MBOAT2: variants seen among roughly 807,000 people sequenced by gnomAD.
The protein encoded by MBOAT2 is membrane-bound glycerophospholipid O-acyltransferase 2.
In MBOAT2, 28 loss-of-function variants were observed where a neutral mutation model predicts 63.4. The observed-to-expected ratio is 0.44, with a 90% CI of 0.33 to 0.61. MBOAT2 has a LOEUF of 0.61. Among genes scored for constraint, MBOAT2 ranks in the 20% least tolerant of loss-of-function variants. The probability of loss-of-function intolerance (pLI) is 0.03; values close to 1 mark genes in which losing one functional copy is unlikely to be tolerated. For missense variants in MBOAT2, 470 were observed against 605.8 expected (o/e 0.78, Z 2.35); for synonymous variants, 211 against 215.6 (o/e 0.98, Z 0.19).
intron 12 of MBOAT2, 128 bp from the exon 13 acceptor site, chr2:8,859,032 T>G: frequency 1.4e-6 from 1 of 705,052 alleles, no homozygotes; most frequent in South Asian, 2.0e-5. Context: ...ACATTATTCT[T>G]TTATTTTTCC....
Position 8,877,069 on chromosome 2 carries a change from T to C in MBOAT2, c.651A>G (p.Lys217=). The part of the protein sequence containing the change: ...YHITQSGENG[K]EETQYERTEP... ...CTGTTCTTTCATACTGTGTCTCTTC[T>C]TTTCCATTTTCACCAGATTGTGTGA... The change falls in exon 7 of 13, where the codon AAA becomes AAG. Residue 217 remains lysine, a synonymous_variant. Coordinates refer to ENST00000305997, the MANE Select transcript of MBOAT2 (RefSeq NM_138799.4). 3 of 1,613,648 alleles carry C rather than the reference T, an allele frequency of 1.9e-6. No homozygotes were observed. Among genetic ancestry groups the C allele is most frequent in the Non-Finnish European group, 2.5e-6 (3 of 1,179,884 alleles).
At chr2:8,953,759 G>C (rs1476053854) in intron 2 of MBOAT2, among the ~76,000 whole-genome samples, 1 of 152,216 alleles carries the variant, frequency 6.6e-6, no homozygotes, top group Non-Finnish European at 1.5e-5. Context: ...CCTTGAGTGA[G>C]TTTTTCAATT....
intron 3 of MBOAT2, among the ~76,000 whole-genome samples, chr2:8,917,945 G>A (rs1185932153): frequency 6.6e-6 from 1 of 152,192 alleles, no homozygotes; most frequent in Non-Finnish European, 1.5e-5. Flanking sequence ...TAAACATTAA[G>A]CTGAGTAAAA....
chr2:8,899,637 T>C (rs991453038), intron 4 of MBOAT2, among the ~76,000 whole-genome samples: 5 of 152,236 alleles, frequency 3.3e-5, no homozygotes, highest in African/African-American at 1.2e-4. Flanking sequence ...TGATTGCCAC[T>C]GCATAGCGGA....
chr2:8,899,384 G>A (rs546978520), intron 4 of MBOAT2, among the ~76,000 whole-genome samples: 12 of 152,206 alleles, frequency 7.9e-5, no homozygotes, highest in South Asian at 2.1e-4. Context: ...AGGATTCCTC[G>A]GATGGTAATG....
chr2:8,946,982 A>G (rs143133691), intron 2 of MBOAT2, among the ~76,000 whole-genome samples: 4 of 152,364 alleles, frequency 2.6e-5, no homozygotes, highest in African/African-American at 9.6e-5. Flanking sequence ...CTTAGTGACG[A>G]TGGTATGTCA....
chr2:8,997,896 T>C (rs1243830553), intron 1 of MBOAT2, among the ~76,000 whole-genome samples: 1 of 152,224 alleles, frequency 6.6e-6, no homozygotes, highest in Non-Finnish European at 1.5e-5. Context: ...GAAACCTACA[T>C]TAGCTGCAAT....
At chr2:9,000,718 C>A (rs955098171) in intron 1 of MBOAT2, among the ~76,000 whole-genome samples, 6 of 152,130 alleles carry the variant, frequency 3.9e-5, no homozygotes, top group African/African-American at 1.4e-4. Flanking sequence ...GAGTGACCAG[C>A]GTGTGAATGC....
At chr2:8,996,282 C>T (rs1573284434) in intron 1 of MBOAT2, among the ~76,000 whole-genome samples, 1 of 152,176 alleles carries the variant, frequency 6.6e-6, no homozygotes, top group Admixed American at 6.5e-5. Flanking sequence ...ATTAGGAAAT[C>T]AACTATTCTT....
intron 3 of MBOAT2, among the ~76,000 whole-genome samples, chr2:8,928,318 C>T (rs566639301): frequency 5.7e-4 from 86 of 152,204 alleles, no homozygotes; most frequent in Non-Finnish European, 1.1e-3. Flanking sequence ...TAGAGCAGCA[C>T]TAGACAAGAG....
intron 3 of MBOAT2, among the ~76,000 whole-genome samples, chr2:8,916,835 AC>A (rs1666219031): frequency 6.6e-6 from 1 of 152,154 alleles, no homozygotes; most frequent in Non-Finnish European, 1.5e-5. Flanking sequence ...TTTACTATGT[AC>A]CTTTTGTTTT....
chr2:8,943,753 G>A (rs1028812255), intron 2 of MBOAT2, among the ~76,000 whole-genome samples: 3 of 152,254 alleles, frequency 2.0e-5, no homozygotes, highest in South Asian at 2.1e-4. Context: ...AAAGAAAAGC[G>A]TATACTCTTC....
rs1661296215 is a variant in MBOAT2, at chr2:8,858,849, C to A, written c.1393G>T (p.Val465Leu). ...LGILVLLLLP[V>L]KKTQRRKNTH... ...TTCTTTCTTCTTTGAGTTTTTTTCACTGGCAACAACAATAATACTAAGATA... is the reference window on the plus strand; with the variant it reads ...TTCTTTCTTCTTTGAGTTTTTTTCAATGGCAACAACAATAATACTAAGATA... The change falls in exon 13 of 13, where the codon GTG becomes TTG. Residue 465 changes from valine to leucine, a missense_variant. By Grantham distance (32) the Val-to-Leu change is conservative. Transcript: ENST00000305997. 3 of 1,613,508 alleles carry A rather than the reference C, an allele frequency of 1.9e-6. No individual in the cohort carries two copies. The highest frequency in any genetic ancestry group is 2.5e-6 in the Non-Finnish European group (3 of 1,179,978).
At chr2:8,971,617 C>G (rs1008677709) in intron 1 of MBOAT2, among the ~76,000 whole-genome samples, 19 of 152,226 alleles carry the variant, frequency 1.2e-4, no homozygotes, top group African/African-American at 4.6e-4. Flanking sequence ...TTTAGAAAAC[C>G]CCATCGTCTC....
intron 1 of MBOAT2, among the ~76,000 whole-genome samples, chr2:8,984,673 G>A (rs1671434381): frequency 1.3e-5 from 2 of 152,020 alleles, no homozygotes; most frequent in African/African-American, 4.8e-5. Flanking sequence ...AGGGGGGAGG[G>A]AAGGGAAGAG....
chr2:8,909,859 A>G (rs2148589685), intron 3 of MBOAT2, among the ~76,000 whole-genome samples: 1 of 152,332 alleles, frequency 6.6e-6, no homozygotes, highest in South Asian at 2.1e-4. Context: ...GGCAGACTGC[A>G]CTTTCCAAAG....
intron 4 of MBOAT2, among the ~76,000 whole-genome samples, chr2:8,903,406 C>A (rs1665107252): frequency 6.6e-6 from 1 of 152,136 alleles, no homozygotes; most frequent in Non-Finnish European, 1.5e-5. Context: ...AAACATTTAC[C>A]AAGCCTCTGA....
intron 1 of MBOAT2, among the ~76,000 whole-genome samples, chr2:9,002,607 AC>A (rs1672777740): frequency 1.3e-5 from 2 of 151,026 alleles, no homozygotes; most frequent in Non-Finnish European, 3.0e-5. Context: ...CTAACTATAC[AC>A]CCCCGCCCCC....
chr2:8,962,585 G>A (rs1669691279), intron 1 of MBOAT2, among the ~76,000 whole-genome samples: 1 of 152,146 alleles, frequency 6.6e-6, no homozygotes, highest in Non-Finnish European at 1.5e-5. Context: ...CCATGAGTGG[G>A]CAAGTAGCAA....
Sources: allele counts gnomAD v4.1 joint callset (sites outside exome capture counted in the v4.1 genomes callset), GRCh38; gene constraint gnomAD v4.1.1; transcripts MANE v1.5; gene names NCBI Gene and HGNC (gene_info 2026-07-23, HGNC 2026-07-21).